The following ZNF131 variants were observed in gnomAD, a reference collection of about 807,000 sequenced individuals.
ZNF131 encodes the protein zinc finger protein 131.
In ZNF131, 7 loss-of-function variants were observed where a neutral mutation model predicts 60.0. The ratio of observed to expected loss-of-function variants is 0.12; its 90% CI spans 0.07 to 0.22. The LOEUF is 0.22. ZNF131 is among the 10% of genes least tolerant of loss of function. ZNF131 has a pLI of 1.00. For synonymous variants in ZNF131, 257 were observed against 253.2 expected (o/e 1.01, Z -0.14); for missense variants, 493 against 740.9 (o/e 0.67, Z 3.88).
chr5:43,130,425 A>C (rs1745191845), intron 3 of ZNF131, among the ~76,000 whole-genome samples: 1 of 152,188 alleles, frequency 6.6e-6, no homozygotes, highest in South Asian at 2.1e-4. Flanking sequence ...GAGCAGATTC[A>C]AAATGATATT....
chr5:43,131,683 A>G (rs1436338398), intron 3 of ZNF131, among the ~76,000 whole-genome samples: 1 of 152,218 alleles, frequency 6.6e-6, no homozygotes, highest in African/African-American at 2.4e-5. Flanking sequence ...GGTTCCCTCA[A>G]GAGTTCAGCA....
At chr5:43,138,646 T>C (rs1746432454) in intron 3 of ZNF131, among the ~76,000 whole-genome samples, 2 of 152,042 alleles carry the variant, frequency 1.3e-5, no homozygotes, top group Non-Finnish European at 2.9e-5. Context: ...TGAAACTCCA[T>C]CTCAAAATAA....
At chr5:43,155,991 C>T (rs2111834953) in intron 4 of ZNF131, among the ~76,000 whole-genome samples, 1 of 152,272 alleles carries the variant, frequency 6.6e-6, no homozygotes, top group South Asian at 2.1e-4. Flanking sequence ...GCACTAAATC[C>T]TGACCTCACC....
chr5:43,133,516 C>T (rs1284159680), intron 3 of ZNF131, among the ~76,000 whole-genome samples: 1 of 152,102 alleles, frequency 6.6e-6, no homozygotes, highest in African/African-American at 2.4e-5. Context: ...TTTATTCCTG[C>T]TTTGTGTTCT....
In ZNF131 at chr5:43,176,182, TTAAAAG is replaced by T. The variant is rs1310027604; in HGVS notation, c.*1052_*1057del. The stretch of plus-strand genomic sequence containing the variant: ...CAAATAAGAGTGCTAAACTGTGGAC[TTAAAAG>T]TAGGTGTGTAAATATTTTTAATCAG... On this transcript the variant is annotated 3_prime_UTR_variant, in exon 7 of 7. Coordinates refer to ENST00000682664, the MANE Select transcript of ZNF131 (RefSeq NM_001330707.2). 1 of 152,072 alleles carries T rather than the reference TTAAAAG, an allele frequency of 6.6e-6. No individual in the cohort carries two copies. Among genetic ancestry groups the T allele is most frequent in the African/African-American group, 2.4e-5 (1 of 41,450 alleles). 9.4% of individuals were successfully genotyped at this position (152,072 alleles called of 1,614,324 possible). A position where few individuals can be genotyped will look rare whatever the true frequency, so the allele number is the denominator to read the frequency against.
chr5:43,172,221 T>C (rs983560155), intron 5 of ZNF131, among the ~76,000 whole-genome samples: 1 of 152,252 alleles, frequency 6.6e-6, no homozygotes, highest in Non-Finnish European at 1.5e-5. Flanking sequence ...CTAGCCCATC[T>C]ACCTGCTGTT....
intron 3 of ZNF131, 101 bp from the exon 4 acceptor site, chr5:43,139,064 A>T: frequency 1.9e-6 from 2 of 1,037,200 alleles, no homozygotes; most frequent in Non-Finnish European, 2.6e-6. Flanking sequence ...TCAAAAATAA[A>T]TACTCAACAA....
chr5:43,162,117 A>G (rs577677912), intron 5 of ZNF131, among the ~76,000 whole-genome samples, 186 bp downstream of exon 5: 2 of 152,374 alleles, frequency 1.3e-5, no homozygotes, highest in African/African-American at 4.8e-5. Flanking sequence ...GCAAATCAGT[A>G]TCAACTTTGG....
rs79246574 is a variant in ZNF131, at chr5:43,143,898, C to CTTTTTTTTTTTTTT, written c.371+4614_371+4627dup. Among the ~76,000 whole-genome samples, 5 of 34,994 alleles carry CTTTTTTTTTTTTTT rather than the reference C, an allele frequency of 1.4e-4. 2 individuals carry two copies. Among genetic ancestry groups the CTTTTTTTTTTTTTT allele is most frequent in the Non-Finnish European group, 2.5e-4 (5 of 20,168 alleles). The allele number at this position is 34,994 out of a possible 152,430, so 23.0% of individuals were successfully genotyped here. The stretch of plus-strand genomic sequence containing the variant: ...TAGGTTCTCTGGAATATTGTCAGAG[C>CTTTTTTTTTTTTTT]TTTTTTTTTTTTTTTTTTTTTTTTT... On this transcript the variant is annotated intron_variant, in intron 4 of 6. Transcript: ENST00000682664.
chr5:43,172,817 A>G (rs1298063495), intron 5 of ZNF131, among the ~76,000 whole-genome samples: 3 of 151,912 alleles, frequency 2.0e-5, no homozygotes, highest in Non-Finnish European at 4.4e-5. Context: ...CTTTTCTGTG[A>G]CAGATCTTTT....
chr5:43,152,107 A>G (rs1241271653), intron 4 of ZNF131, among the ~76,000 whole-genome samples: 5 of 152,030 alleles, frequency 3.3e-5, no homozygotes, highest in African/African-American at 1.2e-4. Flanking sequence ...GGTTCAAGTG[A>G]TTCTCCTGCC....
Position 43,135,796 on chromosome 5 carries a change from A to G in ZNF131, c.227-3369A>G, listed in dbSNP as rs554865243. On this transcript the variant is annotated intron_variant, in intron 3 of 6. Transcript: ENST00000682664. The stretch of plus-strand genomic sequence containing the variant: ...AACACTCAGTATTGTTAAATTGTCC[A>G]TACAGATTGAGCATCTCAAATTTGA... Among the ~76,000 whole-genome samples, 12 of 152,068 alleles carry G rather than the reference A, an allele frequency of 7.9e-5. No homozygotes were observed. The East Asian group carries it at 2.1e-3, about 27-fold the overall frequency.
intron 4 of ZNF131, among the ~76,000 whole-genome samples, chr5:43,145,524 C>T (rs375488395): frequency 2.0e-5 from 3 of 152,116 alleles, no homozygotes; most frequent in Non-Finnish European, 2.9e-5. Context: ...CATGGTGGCA[C>T]GCCCCTGTAA....
chr5:43,165,063 A>G (rs767719496), intron 5 of ZNF131, among the ~76,000 whole-genome samples: 2 of 152,180 alleles, frequency 1.3e-5, no homozygotes, highest in Admixed American at 1.3e-4. Context: ...TGATCCTTCT[A>G]CCTCAGCTTC....
At chr5:43,135,151 AC>A (rs1446762804) in intron 3 of ZNF131, among the ~76,000 whole-genome samples, 1 of 151,472 alleles carries the variant, frequency 6.6e-6, no homozygotes, top group African/African-American at 2.4e-5. Context: ...GGCATGCACC[AC>A]CACGCCTGGC....
In ZNF131 at chr5:43,175,712, A is replaced by T; in HGVS notation, c.*579A>T. 3.8e-6 allele frequency: 1 copy of T among 260,080 alleles called. No individual in the cohort carries two copies. Among genetic ancestry groups the T allele is most frequent in the Non-Finnish European group, 6.5e-6 (1 of 154,390 alleles). 16.1% of individuals were successfully genotyped at this position (260,080 alleles called of 1,614,324 possible). On this transcript the variant is annotated 3_prime_UTR_variant, in exon 7 of 7. Coordinates refer to ENST00000682664, the MANE Select transcript of ZNF131 (RefSeq NM_001330707.2). Reference sequence around the variant, plus strand: ...AAAGAGTGGTGGTGGCAAAATTTCTAGAATGTTAAAAAAAAAAAAAAATCC... The same window carrying T: ...AAAGAGTGGTGGTGGCAAAATTTCTTGAATGTTAAAAAAAAAAAAAAATCC...
chr5:43,143,075 T>A (rs1392725118), intron 4 of ZNF131, among the ~76,000 whole-genome samples: 3 of 149,556 alleles, frequency 2.0e-5, no homozygotes, highest in African/African-American at 4.9e-5. Context: ...CAGGATGGAG[T>A]GCAGTGGCGT....
At chr5:43,135,715 C>T (rs1387135143) in intron 3 of ZNF131, among the ~76,000 whole-genome samples, 2 of 151,994 alleles carry the variant, frequency 1.3e-5, no homozygotes, top group Admixed American at 6.6e-5. Context: ...AGCGAGACTC[C>T]GTCTCAAAAA....
At chr5:43,164,477 C>T (rs1445158878) in intron 5 of ZNF131, among the ~76,000 whole-genome samples, 6 of 152,194 alleles carry the variant, frequency 3.9e-5, no homozygotes, top group Non-Finnish European at 8.8e-5. Context: ...GTTATACCAG[C>T]AGCACAATAA....
Sources: allele counts gnomAD v4.1 joint callset (sites outside exome capture counted in the v4.1 genomes callset), GRCh38; gene constraint gnomAD v4.1.1; transcripts MANE v1.5; gene names NCBI Gene and HGNC (gene_info 2026-07-23, HGNC 2026-07-21).